The following IMMP2L variants were observed in gnomAD, a reference collection of about 807,000 sequenced individuals.
IMMP2L encodes the protein inner mitochondrial membrane peptidase subunit 2.
A neutral mutation model predicts 19.3 loss-of-function variants in IMMP2L; 18 were observed. The observed-to-expected ratio is 0.93, with a 90% CI of 0.64 to 1.38. The LOEUF (loss-of-function observed/expected upper bound fraction) is 1.38. IMMP2L is among the 40% of genes most tolerant of loss of function. The probability of loss-of-function intolerance (pLI) is 0.00; values close to 1 mark genes in which losing one functional copy is unlikely to be tolerated. For synonymous variants in IMMP2L, 76 were observed against 73.0 expected (o/e 1.04, Z -0.21); for missense variants, 233 against 218.2 (o/e 1.07, Z -0.43).
At chr7:111,538,209 CTCAGTGT>C (rs563223625) in intron 1 of IMMP2L, among the ~76,000 whole-genome samples, 70 of 152,252 alleles carry the variant, frequency 4.6e-4, no homozygotes, top group African/African-American at 1.7e-3. Context: ...CACTTAAGTG[CTCAGTGT>C]TCAATACAGT....
chr7:111,201,327 GT>G (rs1342218747), intron 3 of IMMP2L, among the ~76,000 whole-genome samples: 1 of 151,362 alleles, frequency 6.6e-6, no homozygotes, highest in Non-Finnish European at 1.5e-5. Context: ...TCTTTATACA[GT>G]TTTTTGAGAA....
intron 5 of IMMP2L, among the ~76,000 whole-genome samples, chr7:110,859,272 G>A (rs1442184949): frequency 1.3e-5 from 2 of 151,924 alleles, no homozygotes; most frequent in African/African-American, 4.8e-5. Flanking sequence ...ATTTTCAGAA[G>A]TATTTTTTCA....
At chr7:110,944,154 G>T (rs935687004) in intron 4 of IMMP2L, among the ~76,000 whole-genome samples, 3 of 151,946 alleles carry the variant, frequency 2.0e-5, no homozygotes, top group Non-Finnish European at 4.4e-5. Context: ...CATAAGGCAG[G>T]ATTGTTCTGG....
rs1356712639 is a variant in IMMP2L, at chr7:111,466,286, A to AT, written c.239+20951dup. Among the ~76,000 whole-genome samples, 7 of 152,274 alleles carry AT rather than the reference A, an allele frequency of 4.6e-5. 1 individual carries two copies. The East Asian group carries it at 1.3e-3, about 29-fold the overall frequency. On this transcript the variant is annotated intron_variant, in intron 3 of 5. Coordinates refer to ENST00000405709, the MANE Select transcript of IMMP2L (RefSeq NM_032549.4). Reference sequence around the variant, plus strand: ...TGCAGCACACCAACATGGCACATGTATACATATGTAACTAACCTGCACATT... The same window carrying AT: ...TGCAGCACACCAACATGGCACATGTATTACATATGTAACTAACCTGCACATT...
chr7:111,302,698 T>G (rs1283815161), intron 3 of IMMP2L, among the ~76,000 whole-genome samples: 1 of 152,180 alleles, frequency 6.6e-6, no homozygotes, highest in East Asian at 1.9e-4. Flanking sequence ...AGAATTTGTT[T>G]TTCTCTTTGG....
intron 3 of IMMP2L, among the ~76,000 whole-genome samples, chr7:111,275,411 C>T (rs967552857): frequency 2.0e-5 from 3 of 152,132 alleles, no homozygotes; most frequent in African/African-American, 7.2e-5. Context: ...TACTGTTCCC[C>T]CAACTAGCAT....
intron 3 of IMMP2L, among the ~76,000 whole-genome samples, chr7:111,242,347 G>A (rs1586996532): frequency 6.6e-6 from 1 of 152,010 alleles, no homozygotes; most frequent in African/African-American, 2.4e-5. Flanking sequence ...ACTCCTAACT[G>A]AAGTCCAATT....
chr7:111,118,208 A>G lies in IMMP2L; in HGVS notation c.240-154643T>C, dbSNP rs76671537. Reference sequence around the variant, plus strand: ...TGAAAACTTGGTGAGCAGATATTTTATCTTATTTATTGCTGACTTTCCAGT... The same window carrying G: ...TGAAAACTTGGTGAGCAGATATTTTGTCTTATTTATTGCTGACTTTCCAGT... On this transcript the variant is annotated intron_variant, in intron 3 of 5. Coordinates refer to ENST00000405709, the MANE Select transcript of IMMP2L (RefSeq NM_032549.4). Among the ~76,000 whole-genome samples, 1,436 of 152,214 alleles carry G rather than the reference A, an allele frequency of 9.4e-3. 22 individuals are homozygous for G. Among genetic ancestry groups the G allele is most frequent in the African/African-American group, 0.032 (1,331 of 41,558 alleles).
intron 3 of IMMP2L, among the ~76,000 whole-genome samples, chr7:111,432,785 G>T (rs531455539): frequency 2.0e-5 from 3 of 151,218 alleles, no homozygotes; most frequent in African/African-American, 7.3e-5. Context: ...ATAAGATCTA[G>T]TATCTAGAGA....
At chr7:111,063,902 T>C (rs193128790) in intron 3 of IMMP2L, among the ~76,000 whole-genome samples, 2 of 152,324 alleles carry the variant, frequency 1.3e-5, no homozygotes, top group East Asian at 3.9e-4. Context: ...AGTTCCAAAC[T>C]TTCCCACATT....
intron 3 of IMMP2L, among the ~76,000 whole-genome samples, chr7:111,180,280 G>A (rs1009913987): frequency 1.3e-5 from 2 of 151,916 alleles, no homozygotes; most frequent in African/African-American, 2.4e-5. Flanking sequence ...CTCATAACTC[G>A]TTCTTTCTCT....
intron 3 of IMMP2L, among the ~76,000 whole-genome samples, chr7:111,436,539 A>ACACACC (rs1316097606): frequency 1.3e-5 from 2 of 151,348 alleles, no homozygotes; most frequent in African/African-American, 4.9e-5. Flanking sequence ...ACACACACAC[A>ACACACC]CCCCACACAT....
intron 3 of IMMP2L, among the ~76,000 whole-genome samples, chr7:111,179,339 A>G (rs1807443511): frequency 6.6e-6 from 1 of 152,110 alleles, no homozygotes; most frequent in Non-Finnish European, 1.5e-5. Flanking sequence ...TGGCCAACAC[A>G]AATTCATAAA....
At chr7:111,124,932 C>CA (rs398005852) in intron 3 of IMMP2L, 116,744 of 831,726 alleles carry the variant, frequency 0.14, 461 homozygotes, top group East Asian at 0.18. Context: ...CAAAAATGAA[C>CA]AAAAAAAAAA....
rs527869928 is a variant in IMMP2L, at chr7:111,550,754, T to C, written c.-3+11097A>G. 2.6e-5 allele frequency among the ~76,000 whole-genome samples: 4 copies of C among 152,298 alleles called. No homozygotes were observed. In the East Asian group the frequency reaches 7.7e-4, roughly 29 times the overall value. On this transcript the variant is annotated intron_variant, in intron 1 of 5. Transcript: ENST00000405709. ...TCAATGCTAACCTTCTGCACAGCTC[T>C]TATTTACACACACATTGCTCCTCAT...
intron 4 of IMMP2L, among the ~76,000 whole-genome samples, chr7:110,895,228 G>A (rs1173741470): frequency 6.6e-6 from 1 of 152,108 alleles, no homozygotes; most frequent in Admixed American, 6.5e-5. Flanking sequence ...GAACAGTGCA[G>A]GAAAGATCTG....
intron 3 of IMMP2L, among the ~76,000 whole-genome samples, chr7:111,242,997 A>G (rs1815304129): frequency 1.3e-5 from 2 of 151,998 alleles, no homozygotes; most frequent in Non-Finnish European, 1.5e-5. Flanking sequence ...ATCTTAAAAT[A>G]TTTTTTTCTG....
At chr7:111,499,502 G>C (rs769673493) in intron 2 of IMMP2L, among the ~76,000 whole-genome samples, 1 of 152,122 alleles carries the variant, frequency 6.6e-6, no homozygotes, top group Admixed American at 6.5e-5. Flanking sequence ...GAGGACTCTA[G>C]GGTGCAGCTC....
intron 2 of IMMP2L, among the ~76,000 whole-genome samples, chr7:111,504,166 A>C (rs370814996): frequency 6.6e-6 from 1 of 152,130 alleles, no homozygotes; most frequent in Non-Finnish European, 1.5e-5. Flanking sequence ...AAGCATTCTT[A>C]TACACCAATA....
Sources: allele counts gnomAD v4.1 joint callset (sites outside exome capture counted in the v4.1 genomes callset), GRCh38; gene constraint gnomAD v4.1.1; transcripts MANE v1.5; gene names NCBI Gene and HGNC (gene_info 2026-07-23, HGNC 2026-07-21).